Variants in PDE4D observed in about 807,000 individuals in gnomAD.
The protein encoded by PDE4D is 3',5'-cyclic-AMP phosphodiesterase 4D.
A neutral mutation model predicts 87.4 loss-of-function variants in PDE4D; 24 were observed. The observed-to-expected ratio is 0.27, with a 90% CI of 0.20 to 0.39. The LOEUF (loss-of-function observed/expected upper bound fraction) is 0.39, where lower values mean the gene tolerates loss of function less well. Ranked by LOEUF, PDE4D falls within the 10% of genes least tolerant of loss-of-function variation. The pLI, the probability that PDE4D is intolerant of heterozygous loss-of-function variation, is 1.00. For missense variants in PDE4D, 714 were observed against 1,041.0 expected (o/e 0.69, Z 4.32); for synonymous variants, 384 against 383.2 (o/e 1.00, Z -0.02).
chr5:60,089,110 A>T (rs1774836105), intron 2 of PDE4D, among the ~76,000 whole-genome samples: 1 of 152,060 alleles, frequency 6.6e-6, no homozygotes, highest in African/African-American at 2.4e-5. Context: ...TTAACACTCC[A>T]CTTTTGGCAG....
chr5:60,469,475 C>T (rs1371148955), intron 1 of PDE4D, among the ~76,000 whole-genome samples: 1 of 152,166 alleles, frequency 6.6e-6, no homozygotes, highest in East Asian at 1.9e-4. Flanking sequence ...GCTTTCAACT[C>T]CAGAGCCTCC....
At chr5:59,914,890 TG>T in intron 3 of PDE4D, among the ~76,000 whole-genome samples, 1 of 150,544 alleles carries the variant, frequency 6.6e-6, no homozygotes, top group Non-Finnish European at 1.5e-5. Flanking sequence ...TGTGTGTGTG[TG>T]TGTGTGTGTG....
At chr5:60,497,650 C>A (rs1382012268) in intron 1 of PDE4D, among the ~76,000 whole-genome samples, 2 of 152,216 alleles carry the variant, frequency 1.3e-5, no homozygotes, top group Non-Finnish European at 2.9e-5. Flanking sequence ...GAGACCCTCC[C>A]ACCTTGGCCT....
intron 1 of PDE4D, among the ~76,000 whole-genome samples, chr5:59,403,470 T>A (rs926692455): frequency 6.6e-6 from 1 of 152,146 alleles, no homozygotes; most frequent in African/African-American, 2.4e-5. Flanking sequence ...CTACACCTCC[T>A]AGCCTCTGGT....
chr5:59,262,466 C>A (rs1448939586), intron 1 of PDE4D, among the ~76,000 whole-genome samples: 2 of 151,566 alleles, frequency 1.3e-5, no homozygotes, highest in African/African-American at 4.8e-5. Context: ...TAATTTCTTG[C>A]CATTCCAAAT....
intron 2 of PDE4D, among the ~76,000 whole-genome samples, chr5:60,018,856 T>C (rs982587610): frequency 2.0e-5 from 3 of 152,116 alleles, no homozygotes; most frequent in Non-Finnish European, 2.9e-5. Flanking sequence ...CTTAGAGACC[T>C]ACCAAGAGAC....
At chr5:60,108,986 C>A (rs1009148168) in intron 2 of PDE4D, among the ~76,000 whole-genome samples, 5 of 152,206 alleles carry the variant, frequency 3.3e-5, no homozygotes, top group African/African-American at 1.2e-4. Flanking sequence ...AAAGCAATGG[C>A]AACCAAAGCC....
intron 1 of PDE4D, among the ~76,000 whole-genome samples, chr5:59,746,407 A>T (rs1479676416): frequency 6.6e-6 from 1 of 152,142 alleles, no homozygotes; most frequent in African/African-American, 2.4e-5. Flanking sequence ...AATTTCTATA[A>T]ATGCAGTGAG....
At chr5:60,208,244 T>G (rs922635814) in intron 1 of PDE4D, among the ~76,000 whole-genome samples, 5 of 152,224 alleles carry the variant, frequency 3.3e-5, no homozygotes, top group Admixed American at 1.3e-4. Context: ...CAGTAGGGAT[T>G]GCAATTTTAG....
intron 1 of PDE4D, among the ~76,000 whole-genome samples, chr5:59,470,618 T>C (rs865821528): frequency 3.3e-5 from 5 of 152,344 alleles, no homozygotes; most frequent in Middle Eastern, 6.8e-3. Flanking sequence ...ACTGTTTAGC[T>C]AGTTCTTGAG....
intron 1 of PDE4D, among the ~76,000 whole-genome samples, chr5:59,445,816 G>C (rs1798260053): frequency 1.3e-5 from 2 of 151,996 alleles, no homozygotes; most frequent in Non-Finnish European, 2.9e-5. Context: ...ATATATTACT[G>C]CCATCTGCCT....
intron 1 of PDE4D, among the ~76,000 whole-genome samples, chr5:60,303,610 A>G (rs533907958): frequency 1.3e-5 from 2 of 151,786 alleles, no homozygotes; most frequent in African/African-American, 2.4e-5. Context: ...CCCGGCCTCT[A>G]TGTCTGGATT....
intron 5 of PDE4D, among the ~76,000 whole-genome samples, chr5:59,146,060 G>T (rs1451538775): frequency 6.6e-6 from 1 of 152,182 alleles, no homozygotes; most frequent in African/African-American, 2.4e-5. Context: ...CTGGGAGGTG[G>T]AGGTTGCAGT....
chr5:59,660,873 G>T, intron 1 of PDE4D, among the ~76,000 whole-genome samples: 1 of 151,886 alleles, frequency 6.6e-6, no homozygotes, highest in Non-Finnish European at 1.5e-5. Flanking sequence ...AATTCACAAC[G>T]ATAATAGCTA....
At chr5:59,394,574 C>T (rs1451134484) in intron 1 of PDE4D, among the ~76,000 whole-genome samples, 1 of 144,320 alleles carries the variant, frequency 6.9e-6, no homozygotes, top group Non-Finnish European at 1.5e-5. Flanking sequence ...ATTTATTGAG[C>T]ATATACTATA....
At chr5:59,772,269 G>GT (rs980995605) in intron 1 of PDE4D, among the ~76,000 whole-genome samples, 31 of 152,126 alleles carry the variant, frequency 2.0e-4, no homozygotes, top group African/African-American at 7.0e-4. Flanking sequence ...CACAGCTTGT[G>GT]TTTTTCACAA....
chr5:60,257,209 TGAAAGAAAGAAAGAGAAAGAAA>T (rs1749151066), intron 1 of PDE4D, among the ~76,000 whole-genome samples: 3 of 90,056 alleles, frequency 3.3e-5, no homozygotes, highest in Admixed American at 1.2e-4. Flanking sequence ...AAAGAATGAA[TGAAAGAAAGAAAGAGAAAGAAA>T]GAAAGAAAGA....
intron 1 of PDE4D, among the ~76,000 whole-genome samples, chr5:59,774,775 C>A (rs1054666764): frequency 6.6e-6 from 1 of 151,418 alleles, no homozygotes; most frequent in African/African-American, 2.4e-5. Flanking sequence ...GCAACCTCCA[C>A]CTTCTGGGTT....
chr5:59,298,970 CA>C (rs1385756488), intron 1 of PDE4D, among the ~76,000 whole-genome samples: 1 of 152,050 alleles, frequency 6.6e-6, no homozygotes, highest in African/African-American at 2.4e-5. Context: ...TTAAATTTTC[CA>C]AACACACAAA....
Sources: allele counts gnomAD v4.1 joint callset (sites outside exome capture counted in the v4.1 genomes callset), GRCh38; gene constraint gnomAD v4.1.1; transcripts MANE v1.5; gene names NCBI Gene and HGNC (gene_info 2026-07-23, HGNC 2026-07-21).